The following PTPRN2 variants were observed in gnomAD, a reference collection of about 807,000 sequenced individuals.
The protein encoded by PTPRN2 is protein tyrosine phosphatase receptor type N2.
PTPRN2 carries 74 observed loss-of-function variants against 118.8 expected under a neutral mutation model. The ratio of observed to expected loss-of-function variants is 0.62; its 90% confidence interval spans 0.52 to 0.76. The LOEUF (loss-of-function observed/expected upper bound fraction) is 0.76. Among genes scored for constraint, PTPRN2 ranks in the 30% least tolerant of loss-of-function variants. The probability of loss-of-function intolerance (pLI) is 0.00; values close to 1 mark genes in which losing one functional copy is unlikely to be tolerated. For synonymous variants in PTPRN2, 641 were observed against 608.0 expected (o/e 1.05, Z -0.80); for missense variants, 1,481 against 1,394.4 (o/e 1.06, Z -0.99).
At chr7:158,193,448 G>A (rs985610475) in intron 4 of PTPRN2, among the ~76,000 whole-genome samples, 2 of 152,180 alleles carry the variant, frequency 1.3e-5, no homozygotes, top group African/African-American at 4.8e-5. Context: ...AAAAGTCGCG[G>A]TAACGCCCAA....
intron 3 of PTPRN2, among the ~76,000 whole-genome samples, chr7:158,236,004 G>A (rs1159268081): frequency 6.6e-6 from 1 of 152,176 alleles, no homozygotes; most frequent in Non-Finnish European, 1.5e-5. Context: ...AGGACACGGA[G>A]ACGTCGTGGG....
intron 11 of PTPRN2, among the ~76,000 whole-genome samples, chr7:157,998,336 C>T (rs992206881): frequency 1.3e-5 from 2 of 152,160 alleles, no homozygotes; most frequent in East Asian, 1.9e-4. Context: ...AGCTCAGAGC[C>T]AGGAGCAGCA....
chr7:157,813,718 GC>G lies in PTPRN2; in HGVS notation c.1788+84954del, dbSNP rs1806201365. ...GAGCATTGCTTTTTAATTAGCAGCT[GC>G]CCCGAGTGCTCCAGCTGCCCTGCGT... is the stretch of plus-strand genomic sequence containing the variant. On this transcript the variant is annotated intron_variant, in intron 12 of 22. Coordinates refer to ENST00000389418, the MANE Select transcript of PTPRN2 (RefSeq NM_002847.5). The surrounding 1 kb of genome is among the most constrained non-coding windows in gnomAD (Gnocchi z 4.7). 6.6e-6 allele frequency among the ~76,000 whole-genome samples: 1 copy of G among 152,222 alleles called. No individual in the cohort carries two copies.
rs965641473 is a variant in PTPRN2 at position 157,784,530 on chromosome 7, A to T, written c.1789-101593T>A. On this transcript the variant is annotated intron_variant, in intron 12 of 22. Transcript: ENST00000389418. This position sits in a 1 kb window ranked among gnomAD's most constrained non-coding sequence, Gnocchi z 4.6. Reference sequence around the variant, plus strand: ...CTCAGCCTCAGCCTCAGCGCTGGAGAGAAAGCCCTATCCCGCTCGGCCTGA... The same window carrying T: ...CTCAGCCTCAGCCTCAGCGCTGGAGTGAAAGCCCTATCCCGCTCGGCCTGA... Among the ~76,000 whole-genome samples, 1 of 152,186 alleles carries T rather than the reference A, an allele frequency of 6.6e-6. No homozygotes were observed. The highest frequency in any genetic ancestry group is 2.4e-5 in the African/African-American group (1 of 41,444).
At chr7:158,412,368 TC>T in intron 2 of PTPRN2, among the ~76,000 whole-genome samples, 1 of 74,780 alleles carries the variant, frequency 1.3e-5, no homozygotes, top group Non-Finnish European at 2.5e-5. Context: ...AGGGCCCATC[TC>T]AGCACCCTCC....
chr7:158,205,765 A>G, intron 3 of PTPRN2, among the ~76,000 whole-genome samples: 1 of 152,180 alleles, frequency 6.6e-6, no homozygotes, highest in South Asian at 2.1e-4. Flanking sequence ...GAGAGAACGC[A>G]TGCACTTGGG....
chr7:157,571,542 C>T (rs145779966), intron 19 of PTPRN2, 49 bp from the exon 20 acceptor site: 36 of 1,410,482 alleles, frequency 2.6e-5, no homozygotes, highest in South Asian at 7.5e-5. Flanking sequence ...TAAGACTTTG[C>T]GTTATCCAAA....
chr7:157,681,964 A>G (rs1796933826), intron 13 of PTPRN2, among the ~76,000 whole-genome samples: 1 of 152,228 alleles, frequency 6.6e-6, no homozygotes. Flanking sequence ...TCTCGGAATT[A>G]AATGATATTT....
At chr7:158,399,269 G>C (rs183443485) in intron 2 of PTPRN2, among the ~76,000 whole-genome samples, 2 of 152,162 alleles carry the variant, frequency 1.3e-5, no homozygotes, top group South Asian at 2.1e-4. Context: ...GTTGAAAGTG[G>C]GTGTCAGTAT....
At position 157,666,134 on chromosome 7, in the gene PTPRN2, T is replaced by TAA. The variant is rs57919844; in HGVS notation, c.2002-9585_2002-9584dup. Among the ~76,000 whole-genome samples, 185 of 143,706 alleles carry TAA rather than the reference T, an allele frequency of 1.3e-3. 1 individual carries two copies. The highest frequency in any genetic ancestry group is 4.6e-3 in the African/African-American group (180 of 39,002). The allele number at this position is 143,706 out of a possible 152,430, so 94.3% of individuals were successfully genotyped here. Reference sequence around the variant, plus strand: ...TGTACCCTAGAACTTAAAGTATAATTAAAAAAAAAAAAAGAAAAAAAATTC... The same window carrying TAA: ...TGTACCCTAGAACTTAAAGTATAATTAAAAAAAAAAAAAAAGAAAAAAAATTC... On this transcript the variant is annotated intron_variant, in intron 13 of 22. Transcript: ENST00000389418.
At chr7:157,951,321 C>T (rs1430579689) in intron 11 of PTPRN2, among the ~76,000 whole-genome samples, 6 of 152,246 alleles carry the variant, frequency 3.9e-5, no homozygotes, top group Middle Eastern at 3.4e-3. Context: ...AAAAAAAGGA[C>T]ACTCACAACA....
chr7:158,500,757 G>C (rs1251697039), intron 1 of PTPRN2, among the ~76,000 whole-genome samples: 2 of 152,234 alleles, frequency 1.3e-5, no homozygotes, highest in African/African-American at 2.4e-5. Flanking sequence ...GCTGTTAAAC[G>C]CCATCCAGCC....
chr7:158,369,532 G>A (rs990627705), intron 2 of PTPRN2, among the ~76,000 whole-genome samples: 2 of 152,066 alleles, frequency 1.3e-5, no homozygotes, highest in African/African-American at 2.4e-5. Context: ...GAGAGGAAAC[G>A]CCTCCCACTG....
chr7:158,398,024 C>G (rs1167447850), intron 2 of PTPRN2, among the ~76,000 whole-genome samples: 1 of 152,132 alleles, frequency 6.6e-6, no homozygotes, highest in East Asian at 1.9e-4. Flanking sequence ...CCCCACTGAT[C>G]CTGAGGCTGG....
In PTPRN2 at chr7:158,209,485, G is replaced by C. The variant is rs75722811; in HGVS notation, c.278-4212C>G. Among the ~76,000 whole-genome samples, 1,586 of 152,278 alleles carry C rather than the reference G, an allele frequency of 0.01. 86 individuals carry two copies. In the East Asian group the frequency reaches 0.17, roughly 16 times the overall value. On this transcript the variant is annotated intron_variant, in intron 3 of 22. Transcript: ENST00000389418. ...TCATAATGATAAAGGGGTAAATTGA[G>C]CAAGAGGACATAACAATTGTAAATA... is the stretch of plus-strand genomic sequence containing the variant.
chr7:158,007,288 C>T (rs79554022), intron 11 of PTPRN2, among the ~76,000 whole-genome samples: 8 of 152,152 alleles, frequency 5.3e-5, no homozygotes, highest in African/African-American at 1.9e-4. Context: ...TGCGGCAGTG[C>T]GGGGTGTGGC....
At chr7:157,859,773 G>A (rs1239872387) in intron 12 of PTPRN2, among the ~76,000 whole-genome samples, 2 of 112,936 alleles carry the variant, frequency 1.8e-5, no homozygotes, top group South Asian at 3.5e-4. Context: ...TGCAGGGAGA[G>A]CCCCCCAGCC....
rs543250935 is a variant in PTPRN2 at position 157,807,378 on chromosome 7, C to T, written c.1788+91295G>A. ...TGCTGCACACACATGGCAGCCAGAA[C>T]GAGTGTGGGTTCAGAGAGCAGGAAT... On this transcript the variant is annotated intron_variant, in intron 12 of 22. Coordinates refer to ENST00000389418, the MANE Select transcript of PTPRN2 (RefSeq NM_002847.5). Among the ~76,000 whole-genome samples, 43 of 152,278 alleles carry T rather than the reference C, an allele frequency of 2.8e-4. No individual in the cohort carries two copies. The South Asian group carries it at 5.8e-3, about 21-fold the overall frequency.
chr7:158,253,100 T>C (rs1158896560), intron 3 of PTPRN2, among the ~76,000 whole-genome samples: 1 of 152,254 alleles, frequency 6.6e-6, no homozygotes, highest in Non-Finnish European at 1.5e-5. Flanking sequence ...TTTAGCCAAG[T>C]GCTTTAAATA....
Sources: gnomAD v4.1 joint callset for allele counts (sites outside exome capture counted in the v4.1 genomes callset) on GRCh38, gnomAD v4.1.1 for gene constraint, Gnocchi (gnomAD v3.1) non-coding constraint, MANE v1.5 for transcripts, NCBI Gene and HGNC (gene_info 2026-07-23, HGNC 2026-07-21) for gene names.